The following ANK3 variants were observed in gnomAD, a reference collection of about 807,000 sequenced individuals.
ANK3 encodes ankyrin 3.
In ANK3, 57 loss-of-function variants were observed where a neutral mutation model predicts 370.9. That is an observed-to-expected ratio of 0.15 (90% CI 0.12 to 0.19). ANK3 has a LOEUF of 0.19. ANK3 is among the 10% of genes least tolerant of loss of function. The pLI, the probability that ANK3 is intolerant of heterozygous loss-of-function variation, is 1.00. For synonymous variants in ANK3, 1,929 were observed against 1,946.3 expected (o/e 0.99, Z 0.23); for missense variants, 4,439 against 5,302.1 (o/e 0.84, Z 5.06).
chr10:60,606,257 G>T (rs542113673), intron 2 of ANK3, among the ~76,000 whole-genome samples: 5 of 152,030 alleles, frequency 3.3e-5, no homozygotes, highest in African/African-American at 1.2e-4. Flanking sequence ...TTATAAATTT[G>T]GGTTGAGGAA....
intron 1 of ANK3, among the ~76,000 whole-genome samples, chr10:60,296,077 A>T (rs191530913): frequency 5.9e-5 from 9 of 152,298 alleles, no homozygotes; most frequent in Middle Eastern, 3.4e-3. Context: ...GCAGGAAGCA[A>T]AGTCTAAATA....
chr10:60,260,687 CT>C (rs1384990572), intron 7 of ANK3, among the ~76,000 whole-genome samples: 1 of 152,096 alleles, frequency 6.6e-6, no homozygotes, highest in Non-Finnish European at 1.5e-5. Flanking sequence ...TGAGGGAGTT[CT>C]CATGAGACCT....
chr10:60,558,868 A>C (rs2077269467), intron 2 of ANK3, among the ~76,000 whole-genome samples: 1 of 152,174 alleles, frequency 6.6e-6, no homozygotes, highest in African/African-American at 2.4e-5. Context: ...TTTTCTTATT[A>C]GGGAGGAAGG....
chr10:60,231,709 A>C (rs1246989918), intron 8 of ANK3, among the ~76,000 whole-genome samples: 1 of 152,216 alleles, frequency 6.6e-6, no homozygotes, highest in African/African-American at 2.4e-5. Context: ...AAAACAGTTT[A>C]CATATTTCAG....
At chr10:60,450,756 AT>A (rs1364494501) in intron 2 of ANK3, among the ~76,000 whole-genome samples, 1 of 152,180 alleles carries the variant, frequency 6.6e-6, no homozygotes, top group Non-Finnish European at 1.5e-5. Flanking sequence ...AAAACAAGAA[AT>A]TTACCAAAGC....
In ANK3 at chr10:60,673,350, A is replaced by AT. The variant is rs5785461; in HGVS notation, c.58-58127dup. On this transcript the variant is annotated intron_variant, in intron 1 of 43. Transcript: ENST00000373827. ...TAATTTTTACCTCTCTTCAGACAAG[A>AT]TTTTTTTTTTTCTTTTTGAGACAGA... Among the ~76,000 whole-genome samples the AT allele has an allele frequency of 2.9e-3, 440 of 149,566 alleles. 3 individuals are homozygous for AT. The highest frequency in any genetic ancestry group is 5.1e-3 in the Non-Finnish European group (341 of 67,310).
At chr10:60,602,041 A>C (rs2078071510) in intron 2 of ANK3, among the ~76,000 whole-genome samples, 1 of 152,140 alleles carries the variant, frequency 6.6e-6, no homozygotes, top group African/African-American at 2.4e-5. Context: ...ACTTTTGTAA[A>C]ATGTAGTAGT....
At chr10:60,704,509 A>C (rs974378646) in intron 1 of ANK3, among the ~76,000 whole-genome samples, 1 of 152,150 alleles carries the variant, frequency 6.6e-6, no homozygotes, top group Non-Finnish European at 1.5e-5. Context: ...AAAGGCCTTT[A>C]TATGAAAACT....
chr10:60,441,319 A>G (rs2064294183), intron 2 of ANK3, among the ~76,000 whole-genome samples: 1 of 152,210 alleles, frequency 6.6e-6, no homozygotes, highest in Non-Finnish European at 1.5e-5. Flanking sequence ...AGATTTAGAA[A>G]TCTAGGATTG....
intron 1 of ANK3, among the ~76,000 whole-genome samples, chr10:60,385,951 T>C (rs1486008267): frequency 2.6e-5 from 4 of 152,148 alleles, no homozygotes; most frequent in African/African-American, 9.7e-5. Context: ...GGAGAGGGCA[T>C]GACACGCAGG....
At chr10:60,279,252 A>C (rs765974453) in intron 2 of ANK3, 104 bp from the exon 3 acceptor site, 26 of 972,482 alleles carry the variant, frequency 2.7e-5, no homozygotes, top group African/African-American at 8.0e-5. Flanking sequence ...CCTGATGATC[A>C]CTTGCATGTA....
At chr10:60,185,841 C>T (rs1408516440) in intron 17 of ANK3, among the ~76,000 whole-genome samples, 2 of 152,142 alleles carry the variant, frequency 1.3e-5, no homozygotes, top group Non-Finnish European at 2.9e-5. Flanking sequence ...TAACAAGTTT[C>T]TGGTTAATTG....
At chr10:60,349,383 A>G (rs946458041) in intron 1 of ANK3, among the ~76,000 whole-genome samples, 3 of 152,172 alleles carry the variant, frequency 2.0e-5, no homozygotes, top group East Asian at 1.9e-4. Flanking sequence ...AAACTGAAGC[A>G]AATAGGAATT....
At chr10:60,721,674 T>G (rs950691637) in intron 1 of ANK3, among the ~76,000 whole-genome samples, 2 of 152,294 alleles carry the variant, frequency 1.3e-5, no homozygotes, top group African/African-American at 4.8e-5. Context: ...CACCGATATC[T>G]AACTTGGGCA....
At chr10:60,667,074 T>A (rs1404945365) in intron 1 of ANK3, among the ~76,000 whole-genome samples, 2 of 151,790 alleles carry the variant, frequency 1.3e-5, no homozygotes, top group African/African-American at 4.8e-5. Flanking sequence ...TTGTTTGATA[T>A]TCAAATTTAA....
In ANK3 at chr10:60,114,962, G is replaced by A. The variant is rs191498805; in HGVS notation, c.2842-631C>T. Among the ~76,000 whole-genome samples, 706 of 152,220 alleles carry A rather than the reference G, an allele frequency of 4.6e-3. 1 individual carries two copies. The highest frequency in any genetic ancestry group is 8.0e-3 in the Non-Finnish European group (542 of 68,018). ...ACAGATTTGTACTTTTAACCTACAGGGGTCACTGTTGTTGAACAGAAAAGC... is the reference window on the plus strand; with the variant it reads ...ACAGATTTGTACTTTTAACCTACAGAGGTCACTGTTGTTGAACAGAAAAGC... On this transcript the variant is annotated intron_variant, in intron 25 of 43. Transcript: ENST00000280772.
At chr10:60,643,500 A>ATATCTATCTATCTATCTATC (rs61461746) in intron 1 of ANK3, among the ~76,000 whole-genome samples, 115 of 146,814 alleles carry the variant, frequency 7.8e-4, no homozygotes, top group Admixed American at 1.7e-3. Context: ...ACTCCCCTTT[A>ATATCTATCTATCTATCTATC]TATCTATCTA....
intron 21 of ANK3, among the ~76,000 whole-genome samples, chr10:60,171,351 C>T (rs889689379): frequency 1.3e-5 from 2 of 152,156 alleles, no homozygotes; most frequent in Non-Finnish European, 2.9e-5. Context: ...AGTAACACTG[C>T]CAGATAACTC....
At chr10:60,493,699 TAGAGA>T (rs1290847390) in intron 2 of ANK3, among the ~76,000 whole-genome samples, 46 of 151,998 alleles carry the variant, frequency 3.0e-4, no homozygotes, top group African/African-American at 1.1e-3. Context: ...GTTGGCTATA[TAGAGA>T]TGTAAGAACT....
Sources: allele counts gnomAD v4.1 joint callset (sites outside exome capture counted in the v4.1 genomes callset), GRCh38; gene constraint gnomAD v4.1.1; transcripts MANE v1.5; gene names NCBI Gene and HGNC (gene_info 2026-07-23, HGNC 2026-07-21).